LRRC27: variants seen among roughly 807,000 people sequenced by gnomAD.
The protein encoded by LRRC27 is leucine rich repeat containing 27.
LRRC27 carries 57 observed loss-of-function variants against 55.0 expected under a neutral mutation model. That is an observed-to-expected ratio of 1.04 (90% CI 0.84 to 1.29). The LOEUF is 1.29. Among genes scored for constraint, LRRC27 ranks in the 50% most tolerant of loss-of-function variants. The pLI, the probability that LRRC27 is intolerant of heterozygous loss-of-function variation, is 0.00. For synonymous variants in LRRC27, 278 were observed against 251.9 expected (o/e 1.10, Z -0.98); for missense variants, 721 against 651.5 (o/e 1.11, Z -1.16).
At chr10:132,349,816 G>A (rs898587667) in intron 6 of LRRC27, among the ~76,000 whole-genome samples, 2 of 152,166 alleles carry the variant, frequency 1.3e-5, no homozygotes, top group African/African-American at 4.8e-5. Context: ...GGCCCTGAGT[G>A]TTGTCTTCCC....
chr10:132,366,814 C>T, intron 10 of LRRC27: 4 of 1,250,948 alleles, frequency 3.2e-6, no homozygotes, highest in Non-Finnish European at 4.1e-6. Flanking sequence ...AGGCTCCATT[C>T]CCACCATTTC....
chr10:132,352,659 G>A (rs1486279311), intron 7 of LRRC27, among the ~76,000 whole-genome samples: 3 of 136,476 alleles, frequency 2.2e-5, no homozygotes, highest in Non-Finnish European at 4.7e-5. Context: ...TGAGGCCTCC[G>A]TGTGGGGCAG....
chr10:132,342,009 G>A (rs528126084), intron 3 of LRRC27, among the ~76,000 whole-genome samples: 33 of 152,196 alleles, frequency 2.2e-4, no homozygotes, highest in Non-Finnish European at 4.4e-4. Flanking sequence ...GGACTGCCTG[G>A]TCCCATGTGT....
In LRRC27 at chr10:132,344,703, T is replaced by C; in HGVS notation, c.553+53T>C. 3 of 1,595,654 alleles carry C rather than the reference T, an allele frequency of 1.9e-6. No individual in the cohort carries two copies. The South Asian group carries it at 3.3e-5, about 18-fold the overall frequency. ...CACATTAACGTTGAAGTTACAGCTT[T>C]TTAAAATCAGGGCAGAACCTGTCTT... is the stretch of plus-strand genomic sequence containing the variant. On this transcript the variant is annotated intron_variant, in intron 5 of 10. Coordinates refer to ENST00000368614, the MANE Select transcript of LRRC27 (RefSeq NM_030626.3).
intron 8 of LRRC27, among the ~76,000 whole-genome samples, chr10:132,357,669 G>A (rs1297567281): frequency 2.0e-5 from 3 of 152,204 alleles, no homozygotes; most frequent in Non-Finnish European, 2.9e-5. Context: ...AGGAGGGGTC[G>A]ATGCTGCCAC....
Position 132,348,992 on chromosome 10 carries a change from A to G in LRRC27, c.926+636A>G, listed in dbSNP as rs1235126845. 1 of 1,610,800 alleles carries G rather than the reference A, an allele frequency of 6.2e-7. No homozygotes were observed. Among genetic ancestry groups the G allele is most frequent in the Non-Finnish European group, 8.5e-7 (1 of 1,178,464 alleles). Reference sequence around the variant, plus strand: ...AGGGTCCCTAGGAAACAGGCTCTGCAGAGACTACATGAGAGAAAAACTCGA... The same window carrying G: ...AGGGTCCCTAGGAAACAGGCTCTGCGGAGACTACATGAGAGAAAAACTCGA... On this transcript the variant is annotated intron_variant, in intron 6 of 10. Transcript: ENST00000368614. The surrounding 1 kb of genome is among the most constrained non-coding windows in gnomAD (Gnocchi z 4.2).
rs912670939 is a variant in LRRC27 at position 132,369,738 on chromosome 10, A to G, written c.1416+4188A>G. Among the ~76,000 whole-genome samples the G allele has an allele frequency of 7.9e-5, 12 of 152,316 alleles. No individual in the cohort carries two copies. In the East Asian group the frequency reaches 2.1e-3, roughly 27 times the overall value. On this transcript the variant is annotated intron_variant, in intron 10 of 10. Coordinates refer to ENST00000368614, the MANE Select transcript of LRRC27 (RefSeq NM_030626.3). ...GGTAACAGTGTGTCCATGTGCACGCATCGAGTGGACCACTCCAGTGTGGGA... is the reference window on the plus strand; with the variant it reads ...GGTAACAGTGTGTCCATGTGCACGCGTCGAGTGGACCACTCCAGTGTGGGA...
chr10:132,367,022 C>T (rs951767920), intron 10 of LRRC27: 13 of 1,145,184 alleles, frequency 1.1e-5, no homozygotes, highest in Middle Eastern at 2.4e-4. Flanking sequence ...ATGAGTATGA[C>T]CTTGTCCTTG....
rs113614375 is a variant in LRRC27 at position 132,348,310 on chromosome 10, G to A, written c.880G>A (p.Ala294Thr). Residue 294 changes from alanine (A) to threonine (T), a missense_variant, in exon 6 of 11, where the codon GCC becomes ACC. Coordinates refer to ENST00000368614, the MANE Select transcript of LRRC27 (RefSeq NM_030626.3). This position sits in a 1 kb window ranked among gnomAD's most constrained non-coding sequence, Gnocchi z 4.2. ...TRELPPNLKA[A>T]LNIEKELPKP... ...GGAATTACCTCCAAATCTCAAGGCG[G>A]CCTTGAACATTGAGAAAGAACTACC... The A allele has an allele frequency of 1.9e-6, 3 of 1,613,906 alleles. No homozygotes were observed.
upstream of LRRC27, chr10:132,330,160 A>G (rs1467243142): frequency 5.1e-6 from 2 of 392,722 alleles, no homozygotes; most frequent in Non-Finnish European, 9.6e-6. Flanking sequence ...CTGGGCAAAA[A>G]CTGAGCACAG....
chr10:132,351,793 G>C, intron 7 of LRRC27, 40 bp downstream of exon 7: 2 of 1,568,386 alleles, frequency 1.3e-6, no homozygotes, highest in South Asian at 2.3e-5. Flanking sequence ...AGCCCGCCCA[G>C]TGCACCCGGA....
At position 132,376,017 on chromosome 10, in the gene LRRC27, G is replaced by T. The variant is rs776251496; in HGVS notation, c.*775G>T. The T allele has an allele frequency of 6.6e-6, 1 of 152,222 alleles. No individual in the cohort carries two copies. The highest frequency in any genetic ancestry group is 1.5e-5 in the Non-Finnish European group (1 of 68,054). The allele number at this position is 152,222 out of a possible 1,614,324, so 9.4% of individuals were successfully genotyped here. On this transcript the variant is annotated 3_prime_UTR_variant, in exon 11 of 11. Transcript: ENST00000368614. Reference sequence around the variant, plus strand: ...CTTTGGTTTGATTTCTTTAACAGAGGTGAGACTATTCAGACTTTGTTTATT... The same window carrying T: ...CTTTGGTTTGATTTCTTTAACAGAGTTGAGACTATTCAGACTTTGTTTATT...
At chr10:132,353,115 G>A (rs2068143528) in intron 7 of LRRC27, 8 of 1,474,636 alleles carry the variant, frequency 5.4e-6, no homozygotes, top group East Asian at 2.5e-5. Flanking sequence ...CAGCACCCCC[G>A]TGCCCCTCAC....
At chr10:132,360,292 C>T (rs550130617) in intron 8 of LRRC27, among the ~76,000 whole-genome samples, 71 of 152,286 alleles carry the variant, frequency 4.7e-4, no homozygotes, top group Middle Eastern at 3.4e-3. Context: ...AGACAGGTTT[C>T]GCCATGTTGG....
At chr10:132,349,904 CACAT>C (rs953296330) in intron 6 of LRRC27, among the ~76,000 whole-genome samples, 2 of 152,200 alleles carry the variant, frequency 1.3e-5, no homozygotes, top group African/African-American at 4.8e-5. Context: ...GTTGTGGTCT[CACAT>C]GCATTATCAG....
chr10:132,366,858 GA>G, intron 10 of LRRC27: 1 of 1,283,126 alleles, frequency 7.8e-7, no homozygotes, highest in Non-Finnish European at 1.0e-6. Flanking sequence ...CCGGAGATGG[GA>G]GAGAGGAGGC....
Position 132,336,317 on chromosome 10 carries a change from A to G in LRRC27, c.211-1248A>G, listed in dbSNP as rs575060093. 1.2e-3 allele frequency among the ~76,000 whole-genome samples: 177 copies of G among 152,324 alleles called. 1 individual carries two copies. The highest frequency in any genetic ancestry group is 3.9e-3 in the Admixed American group (60 of 15,302). On this transcript the variant is annotated intron_variant, in intron 2 of 10. Coordinates refer to ENST00000368614, the MANE Select transcript of LRRC27 (RefSeq NM_030626.3). ...GCACATGCCTGTATGTGGGGGGTGCACACCCATATACGTGGGGGCACACAC... is the reference window on the plus strand; with the variant it reads ...GCACATGCCTGTATGTGGGGGGTGCGCACCCATATACGTGGGGGCACACAC...
Position 132,374,522 on chromosome 10 carries a change from G to A in LRRC27, c.1417-544G>A, listed in dbSNP as rs2069299518. Among the ~76,000 whole-genome samples, 1 of 152,210 alleles carries A rather than the reference G, an allele frequency of 6.6e-6. No homozygotes were observed. Among genetic ancestry groups the A allele is most frequent in the Non-Finnish European group, 1.5e-5 (1 of 68,034 alleles). ...TGGACCATGAGGTTTGGAACAGAAA[G>A]CCTGCCCCTGGTTTCACGCTCAGCA... On this transcript the variant is annotated intron_variant, in intron 10 of 10. Transcript: ENST00000368614. This position sits in a 1 kb window ranked among gnomAD's most constrained non-coding sequence, Gnocchi z 4.4.
At chr10:132,331,418 C>T, upstream of LRRC27, 1 of 1,597,586 alleles carries the variant, frequency 6.3e-7, no homozygotes, top group South Asian at 1.1e-5. Context: ...TCTCAAAACC[C>T]TTCCTCAGGA....
Sources: allele counts gnomAD v4.1 joint callset (sites outside exome capture counted in the v4.1 genomes callset), GRCh38; gene constraint gnomAD v4.1.1; non-coding constraint Gnocchi (gnomAD v3.1); transcripts MANE v1.5; gene names NCBI Gene and HGNC (gene_info 2026-07-23, HGNC 2026-07-21).